The following NFIC variants were observed in gnomAD, a reference collection of about 807,000 sequenced individuals.
NFIC encodes the protein nuclear factor 1 C-type.
A neutral mutation model predicts 54.4 loss-of-function variants in NFIC; 12 were observed. The observed-to-expected ratio is 0.22, with a 90% CI of 0.14 to 0.36. The LOEUF (loss-of-function observed/expected upper bound fraction) is 0.36, where lower values mean the gene tolerates loss of function less well. NFIC is among the 10% of genes least tolerant of loss of function. NFIC has a pLI of 1.00. For missense variants in NFIC, 575 were observed against 718.2 expected (o/e 0.80, Z 2.28); for synonymous variants, 322 against 319.2 (o/e 1.01, Z -0.09).
At chr19:3,385,635 C>T (rs2081285362) in intron 2 of NFIC, among the ~76,000 whole-genome samples, 2 of 145,858 alleles carry the variant, frequency 1.4e-5, no homozygotes, top group South Asian at 4.4e-4. Flanking sequence ...TGCAATGACG[C>T]AATCTTGGCT....
In NFIC at chr19:3,427,829, A is replaced by AAAG. The variant is rs1288141717; in HGVS notation, c.634+2664_634+2666dup. Among the ~76,000 whole-genome samples the AAAG allele has an allele frequency of 1.7e-3, 244 of 146,446 alleles. 2 individuals carry two copies. The highest frequency in any genetic ancestry group is 5.5e-3 in the African/African-American group (207 of 37,622). ...AGACTCTGTCAAAAAAAAAAAAAAA[A>AAAG]AAGAAGAAGAAGAAAGAAGGAAAGA... is the stretch of plus-strand genomic sequence containing the variant. On this transcript the variant is annotated intron_variant, in intron 3 of 10. Coordinates refer to ENST00000443272, the MANE Select transcript of NFIC (RefSeq NM_001245002.2).
chr19:3,446,942 C>G (rs1333279580), intron 6 of NFIC, among the ~76,000 whole-genome samples: 1 of 152,108 alleles, frequency 6.6e-6, no homozygotes, highest in Admixed American at 6.5e-5. Context: ...GGGAGGATCA[C>G]TTAAGCCCAG....
At chr19:3,366,547 T>TGGGGGGGGGGGGGGGGGGG, upstream of NFIC, 3 of 353,240 alleles carry the variant, frequency 8.5e-6, no homozygotes, top group Non-Finnish European at 7.9e-6. Flanking sequence ...GGGGGGGGGT[T>TGGGGGGGGGGGGGGGGGGG]GGGGGGGGCG....
rs570143500 is a variant in NFIC at position 3,403,279 on chromosome 19, C to A, written c.562+21036C>A. On this transcript the variant is annotated intron_variant, in intron 2 of 10. Coordinates refer to ENST00000443272, the MANE Select transcript of NFIC (RefSeq NM_001245002.2). ...CAGGTTTGTGCCCTCTGGTTTCCAG[C>A]CCCCTCCCACATTCAAGGCAACATT... is the stretch of plus-strand genomic sequence containing the variant. 2.0e-5 allele frequency among the ~76,000 whole-genome samples: 3 copies of A among 152,310 alleles called. No individual in the cohort carries two copies. The South Asian group carries it at 6.2e-4, about 32-fold the overall frequency.
rs916661092 is a variant in NFIC, at chr19:3,452,546, G to A, written c.1149G>A (p.Gln383=). ...LHFPTTSILP[Q]TASTYFPHTA... The stretch of plus-strand genomic sequence containing the variant: ...TCCCTACGACGTCCATCCTACCCCA[G>A]ACGGCCTCCACCTACTTCCCCCACA... The change falls in exon 8 of 11, where the codon CAG becomes CAA. Residue 383 remains glutamine (Q), a synonymous_variant. Coordinates refer to ENST00000443272, the MANE Select transcript of NFIC (RefSeq NM_001245002.2). The surrounding 1 kb of genome is among the most constrained non-coding windows in gnomAD (Gnocchi z 5.3). The A allele has an allele frequency of 6.2e-7, 1 of 1,613,618 alleles. No homozygotes were observed. The highest frequency in any genetic ancestry group is 8.5e-7 in the Non-Finnish European group (1 of 1,180,000).
intron 10 of NFIC, 131 bp from the exon 11 acceptor site, chr19:3,462,621 T>A: frequency 2.9e-6 from 3 of 1,029,806 alleles, no homozygotes; most frequent in Non-Finnish European, 4.4e-6. Flanking sequence ...ATGGGGAAAC[T>A]GAGGTCACAG....
At position 3,453,877 on chromosome 19, in the gene NFIC, A is replaced by G; in HGVS notation, c.1384A>G (p.Thr462Ala). ...LALPPATKPA[T>A]TSEGGATSPT... ...GCTCCCCCCTGCCACCAAACCCGCC[A>G]CCACCTCCGAGGGAGGAGCCACGTC... The change falls in exon 9 of 11, where the codon ACC (threonine) becomes GCC (alanine). Residue 462 changes from threonine to alanine, a missense_variant. Thr to Ala is a moderately conservative substitution (Grantham distance 58). Coordinates refer to ENST00000443272, the MANE Select transcript of NFIC (RefSeq NM_001245002.2). The surrounding 1 kb of genome is among the most constrained non-coding windows in gnomAD (Gnocchi z 6.7). 6.4e-7 allele frequency: 1 copy of G among 1,560,090 alleles called. No individual in the cohort carries two copies. Among genetic ancestry groups the G allele is most frequent in the Non-Finnish European group, 8.7e-7 (1 of 1,154,322 alleles).
At chr19:3,420,760 C>T (rs973649775) in intron 2 of NFIC, among the ~76,000 whole-genome samples, 1 of 151,216 alleles carries the variant, frequency 6.6e-6, no homozygotes. Context: ...GTCACTCTGT[C>T]GCCCAGACTA....
intron 2 of NFIC, among the ~76,000 whole-genome samples, chr19:3,422,086 A>G (rs2081961456): frequency 6.6e-6 from 1 of 151,852 alleles, no homozygotes; most frequent in South Asian, 2.1e-4. Context: ...ACAGGCATGC[A>G]CCACCATGCC....
At chr19:3,377,318 A>G (rs2081125034) in intron 1 of NFIC, among the ~76,000 whole-genome samples, 1 of 122,494 alleles carries the variant, frequency 8.2e-6, no homozygotes, top group African/African-American at 3.3e-5. Flanking sequence ...TGGGTGACAG[A>G]GCGAGACTCT....
intron 3 of NFIC, among the ~76,000 whole-genome samples, chr19:3,426,925 CTTTTTT>C (rs547112160): frequency 7.3e-6 from 1 of 137,634 alleles, no homozygotes; most frequent in Admixed American, 7.3e-5. Context: ...TACCCTCAAT[CTTTTTT>C]TTTTTTTTTT....
chr19:3,383,845 G>A (rs2081251127), intron 2 of NFIC, among the ~76,000 whole-genome samples: 3 of 152,202 alleles, frequency 2.0e-5, no homozygotes, highest in African/African-American at 7.2e-5. Flanking sequence ...GGAGGACCCT[G>A]GGGCCAGACT....
intron 1 of NFIC, among the ~76,000 whole-genome samples, chr19:3,379,751 G>A (rs902065350): frequency 4.9e-5 from 7 of 144,206 alleles, no homozygotes; most frequent in Admixed American, 7.1e-5. Context: ...GATCAATGGC[G>A]CAACCTTGGC....
chr19:3,436,702 T>C (rs1353242167), intron 6 of NFIC, among the ~76,000 whole-genome samples: 1 of 150,466 alleles, frequency 6.6e-6, no homozygotes, highest in African/African-American at 2.4e-5. Flanking sequence ...CTCAAACTCC[T>C]GACCTCAGGT....
chr19:3,464,064 G>A lies in NFIC; in HGVS notation c.*1295G>A, dbSNP rs1043332721. 3 of 984,936 alleles carry A rather than the reference G, an allele frequency of 3.0e-6. No homozygotes were observed. The African/African-American group carries it at 5.3e-5, about 17-fold the overall frequency. 61.0% of individuals were successfully genotyped at this position (984,936 alleles called of 1,614,324 possible). On this transcript the variant is annotated 3_prime_UTR_variant, in exon 11 of 11. Transcript: ENST00000443272. ...CCGGGGCGCGGGGGTGGGCTCTGGG[G>A]AAGCCGGTGCGCCCCCCACGCCTCC...
At position 3,370,606 on chromosome 19, in the gene NFIC, C is replaced by T. The variant is rs115826487; in HGVS notation, c.30+3940C>T. Among the ~76,000 whole-genome samples the T allele has an allele frequency of 4.6e-5, 7 of 150,626 alleles. No individual in the cohort carries two copies. Among genetic ancestry groups the T allele is most frequent in the African/African-American group, 1.7e-4 (7 of 40,738 alleles). On this transcript the variant is annotated intron_variant, in intron 1 of 10. Transcript: ENST00000443272. The surrounding 1 kb of genome is among the most constrained non-coding windows in gnomAD (Gnocchi z 5.2). The stretch of plus-strand genomic sequence containing the variant: ...CCCTCTTCCTTTCTCTCTCTCTCCC[C>T]GTCTCCCTTCTCTCCCTCTCTCCTT...
In NFIC at chr19:3,456,651, C is replaced by T. The variant is rs893068070; in HGVS notation, c.1509+16C>T. ...TCAGGCACAGGTAGGGGCCGAGAGG[C>T]CGGCTGGTGGGGTGGGAGGGGCAGG... On this transcript the variant is annotated intron_variant, in intron 10 of 10. Transcript: ENST00000443272. 4.5e-6 allele frequency: 7 copies of T among 1,544,152 alleles called. No homozygotes were observed. The Admixed American group carries it at 1.4e-4, about 30-fold the overall frequency.
chr19:3,385,521 T>A (rs2081281381), intron 2 of NFIC, among the ~76,000 whole-genome samples: 1 of 151,826 alleles, frequency 6.6e-6, no homozygotes, highest in South Asian at 2.1e-4. Context: ...GATTGGTTTG[T>A]TTGTTTGTTA....
chr19:3,362,317 G>A (rs1157042621), upstream of NFIC, among the ~76,000 whole-genome samples: 1 of 152,052 alleles, frequency 6.6e-6, no homozygotes, highest in Admixed American at 6.6e-5. Flanking sequence ...CACTTGTGTG[G>A]GGGCAGCTAT....
Sources: gnomAD v4.1 joint callset for allele counts (sites outside exome capture counted in the v4.1 genomes callset) on GRCh38, gnomAD v4.1.1 for gene constraint, Gnocchi (gnomAD v3.1) non-coding constraint, MANE v1.5 for transcripts, NCBI Gene and HGNC (gene_info 2026-07-23, HGNC 2026-07-21) for gene names.